KLHL13: variants seen among roughly 807,000 people sequenced by gnomAD.
KLHL13 encodes the protein kelch like family member 13, also known as kelch-like protein 13.
A neutral mutation model predicts 37.1 loss-of-function variants in KLHL13; 10 were observed. The ratio of observed to expected loss-of-function variants is 0.27; its 90% CI spans 0.17 to 0.46. KLHL13 has a LOEUF of 0.46. KLHL13 is among the 20% of genes least tolerant of loss of function. KLHL13 has a pLI of 1.00. For missense variants in KLHL13, 360 were observed against 509.3 expected, an observed-to-expected ratio of 0.71 and a Z score of 2.82; for synonymous variants, 163 against 181.2, an observed-to-expected ratio of 0.90 and a Z score of 0.81.
chrX:118,010,143 G>T lies in KLHL13; in HGVS notation c.-55-64568C>A, dbSNP rs867297482. On this transcript the variant is annotated intron_variant, in intron 1 of 6. Coordinates refer to the KLHL13 transcript ENST00000371882. ...AGGAACACTTTTACACTGTTGGTGGGACTGTAAACTAGTTCAACCATTGTG... is the reference window on the plus strand; with the variant it reads ...AGGAACACTTTTACACTGTTGGTGGTACTGTAAACTAGTTCAACCATTGTG... Among the ~76,000 whole-genome samples, 812 of 99,935 alleles carry T rather than the reference G, an allele frequency of 8.1e-3. 15 individuals are homozygous for T. The highest frequency in any genetic ancestry group is 0.027 in the African/African-American group (749 of 27,287). The allele number at this position is 99,935 out of a possible 115,157, so 86.8% of individuals were successfully genotyped here. A position where few individuals can be genotyped will look rare whatever the true frequency, so the allele number is the denominator to read the frequency against.
intron 1 of KLHL13, among the ~76,000 whole-genome samples, chrX:118,036,470 C>T (rs764820970): frequency 0.09 from 9,967 of 110,604 alleles, 451 homozygotes; most frequent in African/African-American, 0.16. Context: ...TTTGACTAAC[C>T]GGAGAAAAAC....
At chrX:117,985,854 GT>G (rs1306742538) in intron 1 of KLHL13, among the ~76,000 whole-genome samples, 3 of 108,952 alleles carry the variant, frequency 2.8e-5, no homozygotes, top group Non-Finnish European at 3.8e-5. Context: ...AGCCCCTACT[GT>G]TTTTTTTAAA....
chrX:118,109,642 C>G (rs1484674458), intron 1 of KLHL13, among the ~76,000 whole-genome samples: 1 of 112,318 alleles, frequency 8.9e-6, no homozygotes, highest in African/African-American at 3.2e-5. Context: ...CACCTTGTCA[C>G]CACCCTGCTC....
intron 1 of KLHL13, among the ~76,000 whole-genome samples, chrX:118,053,852 GA>G (rs2054653630): frequency 4.7e-5 from 3 of 63,807 alleles, no homozygotes; most frequent in African/African-American, 2.1e-4. Context: ...AGAGAGAGGA[GA>G]GAGAGAGAGA....
chrX:118,046,082 T>C (rs2054556670), intron 1 of KLHL13, among the ~76,000 whole-genome samples: 2 of 112,254 alleles, frequency 1.8e-5, no homozygotes, highest in African/African-American at 6.5e-5. Context: ...CAAAGAGGTA[T>C]CTGCAATCCC....
chrX:118,094,260 C>T (rs1030017206), intron 1 of KLHL13, among the ~76,000 whole-genome samples: 3 of 110,448 alleles, frequency 2.7e-5, no homozygotes, highest in African/African-American at 6.6e-5. Flanking sequence ...CCTCAGTAGC[C>T]GATGCGATCA....
chrX:118,107,767 T>C (rs1445225823), intron 1 of KLHL13, among the ~76,000 whole-genome samples: 1 of 111,358 alleles, frequency 9.0e-6, no homozygotes, highest in Admixed American at 9.6e-5. Context: ...CTAAGAAATA[T>C]CTGAGAGTGA....
intron 2 of KLHL13, among the ~76,000 whole-genome samples, chrX:117,921,798 G>C (rs1931717589): frequency 8.9e-6 from 1 of 112,157 alleles, no homozygotes; most frequent in African/African-American, 3.2e-5. Flanking sequence ...GAAAATGCTT[G>C]AATTACAGAA....
chrX:118,070,250 T>G (rs1354001380), intron 1 of KLHL13, among the ~76,000 whole-genome samples: 2 of 112,468 alleles, frequency 1.8e-5, no homozygotes, highest in Non-Finnish European at 3.8e-5. Flanking sequence ...CATTTAAGGC[T>G]ACAAATTTTC....
chrX:118,084,006 A>G (rs773724471), intron 1 of KLHL13, among the ~76,000 whole-genome samples: 2 of 112,192 alleles, frequency 1.8e-5, no homozygotes, highest in South Asian at 7.4e-4. Context: ...ATAGAAAACT[A>G]AAACAATAAA....
intron 1 of KLHL13, among the ~76,000 whole-genome samples, chrX:118,018,314 G>T (rs1046712055): frequency 9.0e-6 from 1 of 111,456 alleles, no homozygotes; most frequent in African/African-American, 3.3e-5. Flanking sequence ...CCAGAAGAAG[G>T]TCAATGAGTA....
At chrX:117,920,681 A>T (rs1931645930) in intron 2 of KLHL13, among the ~76,000 whole-genome samples, 1 of 111,828 alleles carries the variant, frequency 8.9e-6, no homozygotes, top group Non-Finnish European at 1.9e-5. Flanking sequence ...TACAATGTGC[A>T]CTTCTACTTT....
At chrX:117,909,627 C>T in exon 5 of KLHL13, 1 of 1,211,727 alleles carries the variant, frequency 8.3e-7, no homozygotes, top group Non-Finnish European at 1.1e-6. Flanking sequence ...CCTCAGCACT[C>T]CTCCTAGTGT....
At chrX:117,930,242 GAGGAAGGAAGGAAGGAAGGAAGGA>G (rs757311737) in intron 2 of KLHL13, among the ~76,000 whole-genome samples, 3 of 62,992 alleles carry the variant, frequency 4.8e-5, no homozygotes, top group South Asian at 9.6e-4. Context: ...GGAAGGAAGG[GAGGAAGGAAGGAAGGAAGGAAGGA>G]AGGAAGGAAG....
chrX:118,045,923 AC>A (rs1187626998), intron 1 of KLHL13, among the ~76,000 whole-genome samples: 1 of 112,505 alleles, frequency 8.9e-6, no homozygotes. Flanking sequence ...ATAAAAGGAA[AC>A]CCTTGTCCAC....
At position 117,993,907 on chromosome X, in the gene KLHL13, T is replaced by C. The variant is rs757823815; in HGVS notation, c.-55-48332A>G. On this transcript the variant is annotated intron_variant, in intron 1 of 6. Transcript: ENST00000371882. ...ATGTGCCACCACGCCCGGCTAATTT[T>C]GTATTTGTAGTAGAGACGGGGTTTC... Among the ~76,000 whole-genome samples the C allele has an allele frequency of 5.5e-5, 6 of 109,152 alleles. No homozygotes were observed. The South Asian group carries it at 2.5e-3, about 45-fold the overall frequency. 94.8% of individuals were successfully genotyped at this position (109,152 alleles called of 115,157 possible).
At chrX:118,055,911 T>C (rs141007274) in intron 1 of KLHL13, among the ~76,000 whole-genome samples, 1 of 112,007 alleles carries the variant, frequency 8.9e-6, no homozygotes, top group Admixed American at 9.5e-5. Context: ...AGAAGCTCTA[T>C]CCAGGGAAAT....
At chrX:118,083,578 G>T (rs941763257) in intron 1 of KLHL13, among the ~76,000 whole-genome samples, 1 of 111,558 alleles carries the variant, frequency 9.0e-6, no homozygotes, top group Non-Finnish European at 1.9e-5. Context: ...GAGGCTGGGC[G>T]AGAGTGGGGG....
At chrX:117,991,136 G>GAAAAAAAAAAAAAAAAAAAAAAAAAAAAA (rs1491157152) in intron 1 of KLHL13, among the ~76,000 whole-genome samples, 1 of 74,060 alleles carries the variant, frequency 1.4e-5, no homozygotes, top group African/African-American at 1.5e-4. Context: ...TCATTAAAAA[G>GAAAAAAAAAAAAAAAAAAAAAAAAAAAAA]TAAAAAAAAA....
Sources: allele counts gnomAD v4.1 joint callset (sites outside exome capture counted in the v4.1 genomes callset), GRCh38; gene constraint gnomAD v4.1.1; transcripts MANE v1.5; gene names NCBI Gene and HGNC (gene_info 2026-07-23, HGNC 2026-07-21).